BMPR1B: variants seen among roughly 807,000 people sequenced by gnomAD.
BMPR1B encodes bone morphogenetic protein receptor type-1B.
BMPR1B carries 12 observed loss-of-function variants against 59.1 expected under a neutral mutation model. The observed-to-expected ratio is 0.20, with a 90% CI of 0.13 to 0.33. The LOEUF is 0.33. Ranked by LOEUF, BMPR1B falls within the 10% of genes least tolerant of loss-of-function variation. The pLI is 1.00. For synonymous variants in BMPR1B, 237 were observed against 207.3 expected (o/e 1.14, Z -1.23); for missense variants, 550 against 610.9 (o/e 0.90, Z 1.05).
At chr4:94,975,125 T>C (rs915036883) in intron 2 of BMPR1B, among the ~76,000 whole-genome samples, 3 of 152,070 alleles carry the variant, frequency 2.0e-5, no homozygotes, top group Non-Finnish European at 4.4e-5. Flanking sequence ...CTCCTCAGGA[T>C]GTGGGCTTTG....
intron 10 of BMPR1B, among the ~76,000 whole-genome samples, chr4:95,143,698 A>G (rs1322942997): frequency 6.6e-6 from 1 of 152,204 alleles, no homozygotes; most frequent in Admixed American, 6.5e-5. Flanking sequence ...GCCTCTTTAA[A>G]TAATCCTAGC....
chr4:94,966,978 G>A (rs1433308430), intron 2 of BMPR1B, among the ~76,000 whole-genome samples: 3 of 152,130 alleles, frequency 2.0e-5, no homozygotes, highest in Non-Finnish European at 4.4e-5. Context: ...ATATTAGCCT[G>A]TAATGGAACA....
At chr4:95,010,922 A>G (rs1282980338) in intron 3 of BMPR1B, among the ~76,000 whole-genome samples, 1 of 152,162 alleles carries the variant, frequency 6.6e-6, no homozygotes, top group Non-Finnish European at 1.5e-5. Flanking sequence ...TATGTGCCTT[A>G]TATTATTTAG....
At chr4:95,071,701 A>G (rs774552760) in intron 3 of BMPR1B, among the ~76,000 whole-genome samples, 1 of 142,800 alleles carries the variant, frequency 7.0e-6, no homozygotes, top group Non-Finnish European at 1.5e-5. Context: ...ATTGCTGACA[A>G]TGAAATTACA....
intron 3 of BMPR1B, among the ~76,000 whole-genome samples, chr4:95,042,468 A>G (rs921775682): frequency 2.6e-5 from 4 of 152,254 alleles, no homozygotes; most frequent in African/African-American, 2.4e-5. Flanking sequence ...GACTATGTCT[A>G]TAAGGTGCAT....
At chr4:95,113,401 T>C (rs1427245059) in intron 4 of BMPR1B, among the ~76,000 whole-genome samples, 1 of 152,142 alleles carries the variant, frequency 6.6e-6, no homozygotes, top group Non-Finnish European at 1.5e-5. Context: ...AGTAAACAAT[T>C]CTGAGGGTGT....
chr4:94,788,993 C>T (rs1156645271), intron 1 of BMPR1B, among the ~76,000 whole-genome samples: 1 of 152,188 alleles, frequency 6.6e-6, no homozygotes, highest in Non-Finnish European at 1.5e-5. Context: ...GGCCTTTGCC[C>T]ATTTGCTATC....
In BMPR1B at chr4:94,972,958, G is replaced by A. The variant is rs139338359; in HGVS notation, c.-112-23082G>A. On this transcript the variant is annotated intron_variant, in intron 2 of 12. Transcript: ENST00000515059. ...AGCAAACGAGTGCTGGAACCAGAGC[G>A]AGTGCTTTTGGGTGTTGGCAGGAAC... 2.9e-3 allele frequency among the ~76,000 whole-genome samples: 439 copies of A among 152,202 alleles called. 2 individuals carry two copies. The highest frequency in any genetic ancestry group is 5.3e-3 in the Non-Finnish European group (361 of 67,996).
At position 95,049,715 on chromosome 4, in the gene BMPR1B, C is replaced by G. The variant is rs1049314962; in HGVS notation, c.-18+53581C>G. Among the ~76,000 whole-genome samples the G allele has an allele frequency of 2.6e-5, 4 of 151,826 alleles. No homozygotes were observed. The East Asian group carries it at 7.8e-4, about 30-fold the overall frequency. On this transcript the variant is annotated intron_variant, in intron 3 of 12. Transcript: ENST00000515059. ...TTCGTCTTTCAGCATCCAGCTCTCC[C>G]TGCAATCTGGGCCCAGTCTGTTCCA...
intron 2 of BMPR1B, among the ~76,000 whole-genome samples, chr4:94,924,342 C>T (rs1728807483): frequency 6.6e-6 from 1 of 152,102 alleles, no homozygotes; most frequent in South Asian, 2.1e-4. Context: ...TTACATTTTG[C>T]TTTCTCAACA....
At chr4:95,015,226 G>A (rs1182513290) in intron 3 of BMPR1B, among the ~76,000 whole-genome samples, 2 of 152,072 alleles carry the variant, frequency 1.3e-5, no homozygotes, top group Non-Finnish European at 2.9e-5. Flanking sequence ...AAAGAAAAAT[G>A]ATCATTTAAC....
At chr4:95,113,390 A>G (rs1470152461) in intron 4 of BMPR1B, among the ~76,000 whole-genome samples, 2 of 152,174 alleles carry the variant, frequency 1.3e-5, no homozygotes, top group African/African-American at 4.8e-5. Flanking sequence ...CTTATAAACC[A>G]AGTAAACAAT....
intron 1 of BMPR1B, among the ~76,000 whole-genome samples, chr4:94,794,894 G>T (rs1420740474): frequency 0.036 from 3,616 of 100,432 alleles, 1 homozygote; most frequent in African/African-American, 0.078. Flanking sequence ...TGCTGAAGTT[G>T]CTTATCAGCT....
chr4:94,982,056 C>T (rs1031789569), intron 2 of BMPR1B, among the ~76,000 whole-genome samples: 11 of 152,084 alleles, frequency 7.2e-5, no homozygotes, highest in Admixed American at 4.6e-4. Context: ...GTATCTTTTC[C>T]TCCTAACAGA....
At chr4:94,779,922 T>A (rs544509551) in intron 1 of BMPR1B, among the ~76,000 whole-genome samples, 5 of 152,204 alleles carry the variant, frequency 3.3e-5, no homozygotes, top group African/African-American at 9.7e-5. Flanking sequence ...TTAAGCTGTA[T>A]CAAATTATTC....
chr4:95,150,005 G>C (rs546606367), intron 11 of BMPR1B, among the ~76,000 whole-genome samples: 223 of 152,256 alleles, frequency 1.5e-3, no homozygotes, highest in African/African-American at 5.2e-3. Context: ...TTTCATTTTG[G>C]TTGGTAGAGC....
chr4:94,945,778 A>G (rs141042469), intron 2 of BMPR1B, among the ~76,000 whole-genome samples: 30 of 152,220 alleles, frequency 2.0e-4, no homozygotes. Context: ...GTGTAATAAT[A>G]AAGCAAAAAT....
intron 1 of BMPR1B, among the ~76,000 whole-genome samples, chr4:94,774,759 A>G (rs1158003176): frequency 6.6e-6 from 1 of 152,010 alleles, no homozygotes; most frequent in Non-Finnish European, 1.5e-5. Context: ...GTGTGCTTCC[A>G]TCCTCACAGT....
intron 1 of BMPR1B, among the ~76,000 whole-genome samples, chr4:94,847,842 A>C (rs192065756): frequency 5.9e-4 from 90 of 152,292 alleles, no homozygotes; most frequent in African/African-American, 2.1e-3. Context: ...AAAGGCTACA[A>C]AAATATACAG....
Sources: allele counts gnomAD v4.1 joint callset (sites outside exome capture counted in the v4.1 genomes callset), GRCh38; gene constraint gnomAD v4.1.1; transcripts MANE v1.5; gene names NCBI Gene and HGNC (gene_info 2026-07-23, HGNC 2026-07-21).